The following TESMIN variants were observed in gnomAD, a reference collection of about 807,000 sequenced individuals.
The protein encoded by TESMIN is CXC domain containing 2.
In TESMIN, 34 loss-of-function variants were observed where a neutral mutation model predicts 47.4. The observed-to-expected ratio is 0.72, with a 90% confidence interval of 0.55 to 0.96. The LOEUF (loss-of-function observed/expected upper bound fraction) is 0.96. Ranked by LOEUF, TESMIN falls within the 40% of genes least tolerant of loss-of-function variation. The pLI is 0.00. For synonymous variants in TESMIN, 278 were observed against 258.9 expected (o/e 1.07, Z -0.71); for missense variants, 610 against 637.2 (o/e 0.96, Z 0.46).
intron 6 of TESMIN, among the ~76,000 whole-genome samples, chr11:68,733,157 C>T (rs944932335): frequency 6.6e-5 from 10 of 152,356 alleles, no homozygotes; most frequent in African/African-American, 2.2e-4. Context: ...CTGCCTCCTA[C>T]TTCAGCCACA....
intron 1 of TESMIN, among the ~76,000 whole-genome samples, chr11:68,751,065 G>C: frequency 8.2e-6 from 1 of 122,326 alleles, no homozygotes; most frequent in Non-Finnish European, 1.8e-5. Context: ...GGGCGGCCAG[G>C]GGAGGGGGCC....
At chr11:68,716,763 G>A (rs1378301677) in intron 6 of TESMIN, among the ~76,000 whole-genome samples, 1 of 152,212 alleles carries the variant, frequency 6.6e-6, no homozygotes, top group African/African-American at 2.4e-5. Context: ...CAAGGGCGAC[G>A]CTCTCCTTAA....
chr11:68,710,350 C>T (rs1407559806), intron 9 of TESMIN, among the ~76,000 whole-genome samples: 1 of 152,146 alleles, frequency 6.6e-6, no homozygotes, highest in African/African-American at 2.4e-5. Context: ...AACTATGACT[C>T]AACTTTGAGA....
At chr11:68,720,065 C>T (rs1384854218) in intron 6 of TESMIN, among the ~76,000 whole-genome samples, 1 of 152,152 alleles carries the variant, frequency 6.6e-6, no homozygotes, top group East Asian at 1.9e-4. Flanking sequence ...CCTAGACTTG[C>T]ATCTGACTGC....
intron 4 of TESMIN, among the ~76,000 whole-genome samples, chr11:68,743,816 G>A (rs943503299): frequency 6.6e-5 from 10 of 152,176 alleles, no homozygotes; most frequent in African/African-American, 9.7e-5. Context: ...GCAGCAGGAT[G>A]CACGTACTTT....
chr11:68,718,215 C>T (rs759947822), intron 6 of TESMIN, among the ~76,000 whole-genome samples: 5 of 152,048 alleles, frequency 3.3e-5, no homozygotes, highest in Non-Finnish European at 5.9e-5. Flanking sequence ...AGCAGAGTGA[C>T]GCCCAGGGAT....
At chr11:68,742,239 G>T in intron 5 of TESMIN, 79 bp downstream of exon 5, 1 of 848,884 alleles carries the variant, frequency 1.2e-6, no homozygotes, top group Non-Finnish European at 1.8e-6. Flanking sequence ...TATTTCCTGA[G>T]TAATTCCAAC....
chr11:68,742,379 A>G lies in TESMIN; in HGVS notation c.767T>C (p.Met256Thr). 1 of 1,599,402 alleles carries G rather than the reference A, an allele frequency of 6.3e-7. No individual in the cohort carries two copies. The highest frequency in any genetic ancestry group is 1.1e-5 in the South Asian group (1 of 89,678). Residue 256 changes from methionine to threonine, a missense_variant, in exon 5 of 10, where the codon ATG becomes ACG. Met to Thr is a moderately conservative substitution (Grantham distance 81, BLOSUM62 -1). Transcript: ENST00000255087. Reference sequence around the variant, plus strand: ...CAAAAATCTCCCTACTAAAGCAGTCATTGGTTTAGGGACATCTGTAAGGAA... The same window carrying G: ...CAAAAATCTCCCTACTAAAGCAGTCGTTGGTTTAGGGACATCTGTAAGGAA... ...NYLQSDVPKP[M>T]TALVGRFLPA...
At chr11:68,742,236 T>G (rs1321349811) in intron 5 of TESMIN, 82 bp downstream of exon 5, 1 of 820,680 alleles carries the variant, frequency 1.2e-6, no homozygotes, top group African/African-American at 1.7e-5. Context: ...TTATATTTCC[T>G]GAGTAATTCC....
At chr11:68,736,993 T>C (rs1425010456) in intron 6 of TESMIN, 3 of 985,258 alleles carry the variant, frequency 3.0e-6, no homozygotes, top group Non-Finnish European at 3.6e-6. Context: ...GTATGAGAAG[T>C]ATCAAATGTC....
At chr11:68,713,483 G>T in intron 7 of TESMIN, 76 bp from the exon 8 acceptor site, 1 of 1,516,722 alleles carries the variant, frequency 6.6e-7, no homozygotes. Context: ...CATCTCATTT[G>T]AATCTGATTG....
rs970214708 is a variant in TESMIN at position 68,736,802 on chromosome 11, G to A, written c.917+1898C>T. 6 of 974,534 alleles carry A rather than the reference G, an allele frequency of 6.2e-6. No individual in the cohort carries two copies. In the African/African-American group the frequency reaches 8.8e-5, roughly 14 times the overall value. 60.4% of individuals were successfully genotyped at this position (974,534 alleles called of 1,614,324 possible). On this transcript the variant is annotated intron_variant, in intron 6 of 9. Transcript: ENST00000255087. ...GGGGGAGGAGAACAAAGAGGAGGAG[G>A]AGGGGACGAGAAGAGGAAGGAGGAG...
At chr11:68,706,470 G>A (rs527795143), downstream of TESMIN, among the ~76,000 whole-genome samples, 67 of 152,300 alleles carry the variant, frequency 4.4e-4, no homozygotes, top group Middle Eastern at 3.4e-3. Context: ...TGGGCTCCGC[G>A]GGTGGGCCAC....
chr11:68,736,610 G>C lies in TESMIN; in HGVS notation c.917+2090C>G, dbSNP rs867935348. 28 of 985,270 alleles carry C rather than the reference G, an allele frequency of 2.8e-5. No individual in the cohort carries two copies. In the African/African-American group the frequency reaches 4.7e-4, roughly 17 times the overall value. 61.0% of individuals were successfully genotyped at this position (985,270 alleles called of 1,614,324 possible). On this transcript the variant is annotated intron_variant, in intron 6 of 9. Transcript: ENST00000255087. ...ATTAAGTGGAGAGGCATTGGATTAA[G>C]TAATTATGTGCATAAAAAATACAAA... is the stretch of plus-strand genomic sequence containing the variant.
At chr11:68,745,497 G>A (rs958201023) in intron 3 of TESMIN, among the ~76,000 whole-genome samples, 3 of 152,094 alleles carry the variant, frequency 2.0e-5, no homozygotes, top group Non-Finnish European at 4.4e-5. Context: ...GTGCTGCTCC[G>A]CTAAGCCCCA....
rs550446097 is a variant in TESMIN at position 68,713,504 on chromosome 11, T to C, written c.1021-97A>G. 2.0e-5 allele frequency: 28 copies of C among 1,401,530 alleles called. No homozygotes were observed. In the Admixed American group the frequency reaches 3.5e-4, roughly 18 times the overall value. The allele number at this position is 1,401,530 out of a possible 1,614,324, so 86.8% of individuals were successfully genotyped here. A position where few individuals can be genotyped will look rare whatever the true frequency, so the allele number is the denominator to read the frequency against. On this transcript the variant is annotated intron_variant, in intron 7 of 9. Transcript: ENST00000255087. The stretch of plus-strand genomic sequence containing the variant: ...ATTTGAATCTGATTGTTGTAAAAGA[T>C]GCCACAATAAACAGAGTCTCTTGAC...
At chr11:68,739,063 G>A (rs559663557) in intron 5 of TESMIN, among the ~76,000 whole-genome samples, 18 of 152,280 alleles carry the variant, frequency 1.2e-4, no homozygotes, top group Non-Finnish European at 1.6e-4. Flanking sequence ...GCCGTCCATA[G>A]CTGTCACTCA....
chr11:68,706,587 C>G (rs1946000554), downstream of TESMIN, among the ~76,000 whole-genome samples: 2 of 152,186 alleles, frequency 1.3e-5, no homozygotes, highest in Non-Finnish European at 2.9e-5. Flanking sequence ...GCTGAGGCGC[C>G]CGAACCCTTA....
intron 6 of TESMIN, among the ~76,000 whole-genome samples, chr11:68,734,724 A>G (rs1946367270): frequency 6.6e-6 from 1 of 152,222 alleles, no homozygotes; most frequent in Non-Finnish European, 1.5e-5. Flanking sequence ...CCTGGCACAC[A>G]GTCCGTGCTT....
Sources: allele counts gnomAD v4.1 joint callset (sites outside exome capture counted in the v4.1 genomes callset), GRCh38; gene constraint gnomAD v4.1.1; transcripts MANE v1.5; gene names NCBI Gene and HGNC (gene_info 2026-07-23, HGNC 2026-07-21).